The following TENM2 variants were observed in gnomAD, a reference collection of about 807,000 sequenced individuals.
The protein encoded by TENM2 is teneurin-2.
A neutral mutation model predicts 245.2 loss-of-function variants in TENM2; 52 were observed. The observed-to-expected ratio is 0.21, with a 90% CI of 0.17 to 0.27. TENM2 has a LOEUF of 0.27. TENM2 is among the 10% of genes least tolerant of loss of function. The probability of loss-of-function intolerance (pLI) is 1.00; values close to 1 mark genes in which losing one functional copy is unlikely to be tolerated. For synonymous variants in TENM2, 1,363 were observed against 1,438.9 expected (o/e 0.95, Z 1.19); for missense variants, 3,046 against 3,666.8 (o/e 0.83, Z 4.37).
chr5:167,382,804 T>C (rs1040438281), intron 2 of TENM2, among the ~76,000 whole-genome samples: 18 of 152,138 alleles, frequency 1.2e-4, no homozygotes, highest in African/African-American at 4.1e-4. Context: ...TGTAGTATTT[T>C]ATGCAAGAAA....
chr5:168,249,453 G>GGTGTGTGT (rs3084277), intron 27 of TENM2, among the ~76,000 whole-genome samples: 1,570 of 148,890 alleles, frequency 0.011, 24 homozygotes, highest in African/African-American at 0.033. Flanking sequence ...GTTCTCTCAA[G>GGTGTGTGT]GTGTGTGTGT....
At chr5:167,952,094 C>G (rs1780158184) in intron 3 of TENM2, among the ~76,000 whole-genome samples, 2 of 152,178 alleles carry the variant, frequency 1.3e-5, no homozygotes. Context: ...CAGTCCTTAG[C>G]TAGCCCACTC....
At chr5:167,564,782 C>T (rs1288009367) in intron 2 of TENM2, among the ~76,000 whole-genome samples, 5 of 152,134 alleles carry the variant, frequency 3.3e-5, no homozygotes, top group Non-Finnish European at 7.4e-5. Flanking sequence ...CCAGAAAAGG[C>T]TTTCTTTCAT....
intron 2 of TENM2, among the ~76,000 whole-genome samples, chr5:167,750,669 A>C (rs1761900636): frequency 6.6e-6 from 1 of 152,086 alleles, no homozygotes; most frequent in African/African-American, 2.4e-5. Flanking sequence ...CTCATTAACC[A>C]AAGGAACCAG....
At chr5:167,415,259 A>C (rs1206177693) in intron 2 of TENM2, among the ~76,000 whole-genome samples, 1 of 137,920 alleles carries the variant, frequency 7.3e-6, no homozygotes, top group Admixed American at 7.8e-5. Flanking sequence ...CTTTCCAATA[A>C]GTGACTCTTT....
intron 2 of TENM2, among the ~76,000 whole-genome samples, chr5:167,541,065 G>A (rs1262903376): frequency 1.3e-5 from 2 of 152,150 alleles, no homozygotes; most frequent in Non-Finnish European, 2.9e-5. Flanking sequence ...ATGGAAAGGG[G>A]ATAGGTACTA....
chr5:167,154,656 T>C, the TENM2 span, among the ~76,000 whole-genome samples: 4 of 152,166 alleles, frequency 2.6e-5, no homozygotes, highest in African/African-American at 9.7e-5. Context: ...CAAATGCAAA[T>C]CTACAATCAT....
chr5:166,990,819 T>G, the TENM2 span, among the ~76,000 whole-genome samples: 1 of 152,210 alleles, frequency 6.6e-6, no homozygotes, highest in African/African-American at 2.4e-5. Flanking sequence ...TTTTGATAGC[T>G]TTGAGAATTT....
chr5:167,220,584 A>C, the TENM2 span, among the ~76,000 whole-genome samples: 4 of 152,274 alleles, frequency 2.6e-5, no homozygotes, highest in Admixed American at 6.5e-5. Context: ...TATGTTCTTA[A>C]AGAGTTTCTG....
chr5:167,834,044 A>C (rs942687939), intron 2 of TENM2, among the ~76,000 whole-genome samples: 21 of 152,192 alleles, frequency 1.4e-4, no homozygotes, highest in Non-Finnish European at 2.8e-4. Flanking sequence ...CAAACTTGTC[A>C]GGCAAGGACC....
chr5:167,653,664 C>T (rs946024078), intron 2 of TENM2: 1 of 152,174 alleles, frequency 6.6e-6, no homozygotes, highest in Non-Finnish European at 1.5e-5. Context: ...TCCAAGCCTT[C>T]AGCCAAAGCA....
chr5:167,148,404 T>A, the TENM2 span, among the ~76,000 whole-genome samples: 1 of 152,228 alleles, frequency 6.6e-6, no homozygotes, highest in Non-Finnish European at 1.5e-5. Flanking sequence ...ATTACATTTC[T>A]TTTGGTGACT....
intron 27 of TENM2, among the ~76,000 whole-genome samples, chr5:168,253,842 A>G (rs1163843946): frequency 6.6e-6 from 1 of 152,226 alleles, no homozygotes; most frequent in South Asian, 2.1e-4. Flanking sequence ...CTCCCGATCC[A>G]CCTTGAAATA....
Position 168,125,654 on chromosome 5 carries a change from A to G in TENM2, c.2209+604A>G, listed in dbSNP as rs891914472. The stretch of plus-strand genomic sequence containing the variant: ...ATCATTCCGCCCCCTTCCTCTGGGT[A>G]GTGAGACAGCTGTCAGATTGCCATG... On this transcript the variant is annotated intron_variant, in intron 11 of 28. Transcript: ENST00000518659. Among the ~76,000 whole-genome samples, 6 of 152,140 alleles carry G rather than the reference A, an allele frequency of 3.9e-5. No individual in the cohort carries two copies. In the South Asian group the frequency reaches 1.0e-3, roughly 26 times the overall value.
intron 2 of TENM2, among the ~76,000 whole-genome samples, chr5:167,579,227 G>A (rs1054081565): frequency 6.6e-6 from 1 of 152,116 alleles, no homozygotes; most frequent in African/African-American, 2.4e-5. Context: ...GATCCCAAAG[G>A]CTTAGAAATT....
chr5:167,284,537 A>T (rs1175255227), upstream of TENM2, among the ~76,000 whole-genome samples: 1 of 152,124 alleles, frequency 6.6e-6, no homozygotes, highest in Non-Finnish European at 1.5e-5. Flanking sequence ...TGTTGTTACT[A>T]TTTTTTTCCA....
upstream of TENM2, among the ~76,000 whole-genome samples, chr5:167,281,260 A>G (rs1581655523): frequency 6.7e-6 from 1 of 148,568 alleles, no homozygotes; most frequent in South Asian, 2.1e-4. Context: ...GGCACCTGCC[A>G]CCACGCCTGG....
chr5:167,483,599 A>T (rs1377670639), intron 2 of TENM2, among the ~76,000 whole-genome samples: 1 of 152,210 alleles, frequency 6.6e-6, no homozygotes, highest in South Asian at 2.1e-4. Flanking sequence ...CAAAGCCACT[A>T]TTAGTTTTTA....
At chr5:167,804,798 C>T (rs1402798867) in intron 2 of TENM2, among the ~76,000 whole-genome samples, 1 of 151,962 alleles carries the variant, frequency 6.6e-6, no homozygotes, top group Non-Finnish European at 1.5e-5. Flanking sequence ...GCTCCTATTA[C>T]TAGGAAGAAA....
Sources: gnomAD v4.1 joint callset for allele counts (sites outside exome capture counted in the v4.1 genomes callset) on GRCh38, gnomAD v4.1.1 for gene constraint, MANE v1.5 for transcripts, NCBI Gene and HGNC (gene_info 2026-07-23, HGNC 2026-07-21) for gene names.